The following CCDC81 variants were observed in gnomAD, a reference collection of about 807,000 sequenced individuals.
CCDC81 encodes the protein coiled-coil domain-containing protein 81.
A neutral mutation model predicts 83.7 loss-of-function variants in CCDC81; 79 were observed. The observed-to-expected ratio is 0.94, with a 90% CI of 0.79 to 1.14. The LOEUF (loss-of-function observed/expected upper bound fraction) is 1.14. Ranked by LOEUF, CCDC81 falls within the 50% of genes most tolerant of loss-of-function variation. CCDC81 has a pLI of 0.00. For missense variants in CCDC81, 791 were observed against 778.1 expected (o/e 1.02, Z -0.20); for synonymous variants, 252 against 278.1 (o/e 0.91, Z 0.93).
intron 3 of CCDC81, 76 bp from the exon 4 acceptor site, chr11:86,392,465 T>C: frequency 6.9e-7 from 1 of 1,450,464 alleles, no homozygotes; most frequent in Non-Finnish European, 9.2e-7. Flanking sequence ...AGATAATTAT[T>C]TGTGAGTGTG....
chr11:86,376,982 C>G (rs1391830268), intron 1 of CCDC81, among the ~76,000 whole-genome samples: 1 of 152,198 alleles, frequency 6.6e-6, no homozygotes, highest in African/African-American at 2.4e-5. Context: ...AACCACTGAT[C>G]TTTCCACGGT....
At chr11:86,394,358 T>G (rs572425294) in intron 4 of CCDC81, among the ~76,000 whole-genome samples, 127 of 152,214 alleles carry the variant, frequency 8.3e-4, no homozygotes, top group Non-Finnish European at 1.5e-3. Context: ...AAACTGCTGA[T>G]CGAATCAGTC....
chr11:86,421,501 A>G (rs1461913948), intron 14 of CCDC81, among the ~76,000 whole-genome samples: 2 of 152,124 alleles, frequency 1.3e-5, no homozygotes, highest in African/African-American at 4.8e-5. Context: ...TAGTAGAGAC[A>G]GGGTTTCACC....
chr11:86,390,310 G>C (rs1191227652), intron 3 of CCDC81, among the ~76,000 whole-genome samples: 1 of 152,156 alleles, frequency 6.6e-6, no homozygotes, highest in South Asian at 2.1e-4. Flanking sequence ...ATATGAACAA[G>C]TCAAGAACAT....
chr11:86,392,441 G>C (rs1948344023), intron 3 of CCDC81, 100 bp from the exon 4 acceptor site: 1 of 1,328,154 alleles, frequency 7.5e-7, no homozygotes, highest in East Asian at 2.5e-5. Flanking sequence ...TTCTATTTTA[G>C]GGCATTGAGA....
intron 11 of CCDC81, among the ~76,000 whole-genome samples, chr11:86,413,090 G>A (rs1295641855): frequency 2.0e-5 from 3 of 152,174 alleles, no homozygotes; most frequent in Non-Finnish European, 4.4e-5. Context: ...AGATGGATGA[G>A]CCAGAAAGGA....
Position 86,409,154 on chromosome 11 carries a change from A to T in CCDC81, c.1114-107A>T. ...CACTGCCTCCAAAAGGCAGGTTTCT[A>T]CCATGGCTGGATTATTTTAATGTAA... On this transcript the variant is annotated intron_variant, in intron 9 of 14. Transcript: ENST00000445632. 2 of 494,576 alleles carry T rather than the reference A, an allele frequency of 4.0e-6. 1 individual carries two copies. Among genetic ancestry groups the T allele is most frequent in the South Asian group, 1.0e-4 (2 of 19,846 alleles). 30.6% of individuals were successfully genotyped at this position (494,576 alleles called of 1,614,324 possible).
intron 4 of CCDC81, among the ~76,000 whole-genome samples, chr11:86,393,169 T>C (rs1275524305): frequency 6.6e-6 from 1 of 152,188 alleles, no homozygotes; most frequent in Non-Finnish European, 1.5e-5. Context: ...TTTGAGTGAT[T>C]CTCCTGCCTC....
At chr11:86,384,106 G>A (rs1433420903) in intron 1 of CCDC81, among the ~76,000 whole-genome samples, 1 of 152,122 alleles carries the variant, frequency 6.6e-6, no homozygotes, top group East Asian at 1.9e-4. Flanking sequence ...CCTAAAATAC[G>A]AGCTTTTAGA....
chr11:86,405,983 G>A (rs542425874), intron 7 of CCDC81, among the ~76,000 whole-genome samples: 2 of 151,964 alleles, frequency 1.3e-5, no homozygotes, highest in Non-Finnish European at 2.9e-5. Flanking sequence ...GGCTGGTCTC[G>A]AGCTCCTGAC....
intron 1 of CCDC81, among the ~76,000 whole-genome samples, chr11:86,381,658 G>T (rs1162269296): frequency 2.0e-5 from 3 of 152,226 alleles, no homozygotes; most frequent in Non-Finnish European, 4.4e-5. Flanking sequence ...TTTAGGGGCA[G>T]CAGTTTGTCC....
chr11:86,385,051 A>G (rs992275059), intron 1 of CCDC81, among the ~76,000 whole-genome samples: 2 of 148,476 alleles, frequency 1.3e-5, no homozygotes. Flanking sequence ...GCATTAATTC[A>G]AAGTAAAGCT....
intron 1 of CCDC81, among the ~76,000 whole-genome samples, chr11:86,382,375 A>T (rs1044150747): frequency 6.6e-6 from 1 of 152,160 alleles, no homozygotes; most frequent in African/African-American, 2.4e-5. Flanking sequence ...TCTACAGATT[A>T]TGGTGATGGA....
intron 7 of CCDC81, among the ~76,000 whole-genome samples, chr11:86,404,162 G>C (rs1004052488): frequency 6.6e-6 from 1 of 152,142 alleles, no homozygotes; most frequent in Non-Finnish European, 1.5e-5. Context: ...CATCTGACAG[G>C]TTATTTAAAT....
chr11:86,400,547 A>G (rs1464091741), intron 6 of CCDC81, 131 bp from the exon 7 acceptor site: 9 of 932,900 alleles, frequency 9.6e-6, no homozygotes, highest in Middle Eastern at 6.8e-4. Context: ...TTATACCACA[A>G]TAGAACAAGG....
At chr11:86,385,748 C>T (rs750303631) in intron 1 of CCDC81, among the ~76,000 whole-genome samples, 3 of 152,150 alleles carry the variant, frequency 2.0e-5, no homozygotes, top group Admixed American at 2.0e-4. Flanking sequence ...ACTTGATTAA[C>T]TCTCTTTACA....
chr11:86,416,163 T>C (rs1948717044), intron 13 of CCDC81, among the ~76,000 whole-genome samples: 1 of 152,260 alleles, frequency 6.6e-6, no homozygotes, highest in Admixed American at 6.5e-5. Flanking sequence ...AACTCTTTTC[T>C]TATTGTTGAG....
chr11:86,387,575 AAAC>A lies in CCDC81; in HGVS notation c.207_209del (p.Asn69del), dbSNP rs773739687. The A allele has an allele frequency of 1.2e-6, 2 of 1,613,862 alleles. No individual in the cohort carries two copies. Among genetic ancestry groups the A allele is most frequent in the South Asian group, 2.2e-5 (2 of 91,074 alleles). On this transcript the variant is annotated inframe_deletion, in exon 3 of 15. Coordinates refer to ENST00000445632, the MANE Select transcript of CCDC81 (RefSeq NM_001156474.2). ...TCATAAGACAAAAGCTTGAGGTGGG[AAAC>A]AACAAATTTATCTTAATCCAGAGGC...
At chr11:86,419,083 AT>A (rs1423807743) in intron 13 of CCDC81, 1 of 152,206 alleles carries the variant, frequency 6.6e-6, no homozygotes, top group African/African-American at 2.4e-5. Flanking sequence ...TATAGAGGAC[AT>A]TAACTGATTT....
Sources: allele counts gnomAD v4.1 joint callset (sites outside exome capture counted in the v4.1 genomes callset), GRCh38; gene constraint gnomAD v4.1.1; transcripts MANE v1.5; gene names NCBI Gene and HGNC (gene_info 2026-07-23, HGNC 2026-07-21).